Variants in XKR9 observed in about 807,000 individuals in gnomAD.
The protein encoded by XKR9 is XK related 9.
In XKR9, 32 loss-of-function variants were observed where a neutral mutation model predicts 32.0. The observed-to-expected ratio is 1.00, with a 90% CI of 0.76 to 1.34. The LOEUF is 1.34. Among genes scored for constraint, XKR9 ranks in the 40% most tolerant of loss-of-function variants. The pLI is 0.00. For synonymous variants in XKR9, 168 were observed against 143.4 expected, an observed-to-expected ratio of 1.17 and a Z score of -1.22; for missense variants, 546 against 429.7, an observed-to-expected ratio of 1.27 and a Z score of -2.39.
intron 4 of XKR9, among the ~76,000 whole-genome samples, chr8:70,720,224 T>C (rs1362180351): frequency 6.6e-6 from 1 of 152,170 alleles, no homozygotes; most frequent in Non-Finnish European, 1.5e-5. Context: ...ATTCTAAATA[T>C]ACAATCATGT....
chr8:70,771,862 A>G (rs1807458508), intron 2 of XKR9, among the ~76,000 whole-genome samples: 1 of 152,178 alleles, frequency 6.6e-6, no homozygotes. Flanking sequence ...AGAGTATGGC[A>G]ATAAGAGAAT....
chr8:70,986,887 C>T, the XKR9 span, among the ~76,000 whole-genome samples: 3 of 152,132 alleles, frequency 2.0e-5, no homozygotes, highest in South Asian at 2.1e-4. Flanking sequence ...TACAGTTCCA[C>T]GTGGCTGTGG....
the XKR9 span, among the ~76,000 whole-genome samples, chr8:70,916,927 T>C: frequency 6.6e-6 from 1 of 152,154 alleles, no homozygotes; most frequent in Admixed American, 6.5e-5. Context: ...TTTTTAATGC[T>C]AATGTAAATT....
chr8:70,669,894 C>A (rs1818649071), intron 1 of XKR9, among the ~76,000 whole-genome samples: 1 of 151,928 alleles, frequency 6.6e-6, no homozygotes, highest in African/African-American at 2.4e-5. Context: ...TCTTGATCTC[C>A]TGACCTCGTG....
chr8:70,778,742 C>T (rs1368724435), intron 2 of XKR9, among the ~76,000 whole-genome samples: 1 of 152,038 alleles, frequency 6.6e-6, no homozygotes, highest in Admixed American at 6.6e-5. Flanking sequence ...TGATTTGGGT[C>T]TCTGTTTGTC....
At chr8:70,796,630 T>G in the XKR9 span, among the ~76,000 whole-genome samples, 1 of 152,208 alleles carries the variant, frequency 6.6e-6, no homozygotes, top group Non-Finnish European at 1.5e-5. Flanking sequence ...TCTAATAATG[T>G]TACAAAATTT....
At chr8:70,742,095 A>G (rs1200484803) in intron 2 of XKR9, among the ~76,000 whole-genome samples, 2 of 151,974 alleles carry the variant, frequency 1.3e-5, no homozygotes, top group African/African-American at 2.4e-5. Context: ...GGCCATTCAT[A>G]TATCTTCTTT....
At chr8:71,053,602 T>C in the XKR9 span, among the ~76,000 whole-genome samples, 2 of 151,216 alleles carry the variant, frequency 1.3e-5, no homozygotes, top group African/African-American at 4.9e-5. Flanking sequence ...GATTGACACC[T>C]ACTCCCTCAT....
At chr8:71,035,158 G>A in the XKR9 span, among the ~76,000 whole-genome samples, 1 of 152,076 alleles carries the variant, frequency 6.6e-6, no homozygotes, top group Non-Finnish European at 1.5e-5. Context: ...TGCTGTCATT[G>A]CCTAACAAAA....
the XKR9 span, among the ~76,000 whole-genome samples, chr8:70,853,452 A>C: frequency 6.6e-6 from 1 of 152,036 alleles, no homozygotes; most frequent in Admixed American, 6.6e-5. Context: ...CATAAAAGCT[A>C]AAACTAAACA....
chr8:70,829,435 A>G, the XKR9 span, among the ~76,000 whole-genome samples: 3 of 152,112 alleles, frequency 2.0e-5, no homozygotes, highest in Non-Finnish European at 2.9e-5. Flanking sequence ...GCCTCTTGAC[A>G]TGTATTATTT....
At chr8:70,701,808 A>G (rs12156043) in intron 3 of XKR9, among the ~76,000 whole-genome samples, 48,318 of 152,032 alleles carry the variant, frequency 0.32, 9,075 homozygotes, top group Non-Finnish European at 0.43. Context: ...ATTACTGTTC[A>G]GGGGTCTGTG....
At chr8:70,983,977 A>G in the XKR9 span, among the ~76,000 whole-genome samples, 6 of 152,242 alleles carry the variant, frequency 3.9e-5, no homozygotes, top group African/African-American at 1.2e-4. Flanking sequence ...TGGAAACAAA[A>G]TAATGATACC....
At chr8:70,724,141 G>T (rs1806378045) in intron 4 of XKR9, among the ~76,000 whole-genome samples, 1 of 152,084 alleles carries the variant, frequency 6.6e-6, no homozygotes, top group South Asian at 2.1e-4. Context: ...GTGCTGTGGT[G>T]AGTTCTGCCC....
chr8:70,845,010 CCA>C, the XKR9 span, among the ~76,000 whole-genome samples: 3 of 152,156 alleles, frequency 2.0e-5, no homozygotes, highest in Non-Finnish European at 4.4e-5. Flanking sequence ...ATACTGATGC[CCA>C]CGTATGCTGA....
chr8:70,903,001 T>A, the XKR9 span, among the ~76,000 whole-genome samples: 1 of 152,226 alleles, frequency 6.6e-6, no homozygotes, highest in African/African-American at 2.4e-5. Flanking sequence ...AACTTGATCA[T>A]GTTTGATAGG....
the XKR9 span, among the ~76,000 whole-genome samples, chr8:70,823,034 A>G: frequency 6.6e-6 from 1 of 152,170 alleles, no homozygotes; most frequent in African/African-American, 2.4e-5. Context: ...CTTTTTGCTT[A>G]TAAAATTTTC....
At chr8:70,902,797 C>T in the XKR9 span, among the ~76,000 whole-genome samples, 1 of 152,236 alleles carries the variant, frequency 6.6e-6, no homozygotes, top group Non-Finnish European at 1.5e-5. Flanking sequence ...TTTGAGATAA[C>T]GTCTCATCAG....
chr8:71,051,697 A>G, the XKR9 span, among the ~76,000 whole-genome samples: 2 of 152,262 alleles, frequency 1.3e-5, no homozygotes, highest in Non-Finnish European at 2.9e-5. Flanking sequence ...GCTATCAACT[A>G]TGAAATACTT....
Sources: gnomAD v4.1 joint callset for allele counts (sites outside exome capture counted in the v4.1 genomes callset) on GRCh38, gnomAD v4.1.1 for gene constraint, MANE v1.5 for transcripts, NCBI Gene and HGNC (gene_info 2026-07-23, HGNC 2026-07-21) for gene names.